Variants in STK32C observed in about 807,000 individuals in gnomAD.
STK32C encodes serine/threonine kinase 32C, also known as serine/threonine-protein kinase 32C.
STK32C carries 31 observed loss-of-function variants against 56.5 expected under a neutral mutation model. The ratio of observed to expected loss-of-function variants is 0.55; its 90% confidence interval spans 0.41 to 0.74. STK32C has a LOEUF of 0.74. Ranked by LOEUF, STK32C falls within the 30% of genes least tolerant of loss-of-function variation. STK32C has a pLI of 0.00. For missense variants in STK32C, 544 were observed against 676.9 expected, an observed-to-expected ratio of 0.80 and a Z score of 2.18; for synonymous variants, 309 against 289.4, an observed-to-expected ratio of 1.07 and a Z score of -0.69.
At chr10:132,278,677 A>G (rs939660758) in intron 1 of STK32C, among the ~76,000 whole-genome samples, 2 of 150,868 alleles carry the variant, frequency 1.3e-5, no homozygotes, top group African/African-American at 2.4e-5. Context: ...GGAGAATGGC[A>G]TGAACCCGGG....
chr10:132,238,249 G>A (rs1397847102), intron 2 of STK32C, among the ~76,000 whole-genome samples: 1 of 152,252 alleles, frequency 6.6e-6, no homozygotes, highest in Non-Finnish European at 1.5e-5. Context: ...AGGTCCAAGA[G>A]ATCCACATGA....
chr10:132,263,618 G>A (rs1214869555), intron 1 of STK32C, among the ~76,000 whole-genome samples: 1 of 151,910 alleles, frequency 6.6e-6, no homozygotes, highest in Admixed American at 6.6e-5. Context: ...AGCATTTTGG[G>A]AGGCAGAGGC....
chr10:132,308,296 G>A (rs1423229372), upstream of STK32C, among the ~76,000 whole-genome samples: 2 of 152,188 alleles, frequency 1.3e-5, no homozygotes, highest in Non-Finnish European at 2.9e-5. Context: ...TGGGGCCCCG[G>A]AGGTCGGCGT....
chr10:132,230,460 A>G (rs927630310), intron 2 of STK32C, among the ~76,000 whole-genome samples: 2 of 152,182 alleles, frequency 1.3e-5, no homozygotes, highest in African/African-American at 4.8e-5. Context: ...CGCCAGCCCC[A>G]GCACCCGCGG....
At chr10:132,267,726 T>C (rs1210501206) in intron 1 of STK32C, among the ~76,000 whole-genome samples, 1 of 127,698 alleles carries the variant, frequency 7.8e-6, no homozygotes, top group Admixed American at 7.8e-5. Context: ...TGCATGCATG[T>C]CCCACATCGT....
chr10:132,276,503 G>A (rs776030184), intron 1 of STK32C, among the ~76,000 whole-genome samples: 14 of 152,180 alleles, frequency 9.2e-5, no homozygotes, highest in East Asian at 3.9e-4. Flanking sequence ...CAAAAGGGGC[G>A]AGGCACGGCG....
At chr10:132,300,615 G>A (rs1376142615) in intron 1 of STK32C, among the ~76,000 whole-genome samples, 1 of 152,222 alleles carries the variant, frequency 6.6e-6, no homozygotes, top group Non-Finnish European at 1.5e-5. Flanking sequence ...TCCCCAAACT[G>A]TCTCAAGTTC....
chr10:132,304,900 G>A (rs1288201992), intron 1 of STK32C, among the ~76,000 whole-genome samples: 1 of 152,220 alleles, frequency 6.6e-6, no homozygotes, highest in Non-Finnish European at 1.5e-5. Context: ...CCTGCTGGCG[G>A]GCTAATGCCA....
intron 1 of STK32C, among the ~76,000 whole-genome samples, chr10:132,266,765 A>G (rs1253199809): frequency 6.6e-6 from 1 of 151,556 alleles, no homozygotes. Flanking sequence ...GTGGATCACA[A>G]ATGCTCTCGG....
At chr10:132,251,437 T>C (rs2063901726) in intron 1 of STK32C, among the ~76,000 whole-genome samples, 1 of 151,582 alleles carries the variant, frequency 6.6e-6, no homozygotes, top group East Asian at 1.9e-4. Context: ...CAGAGGGGAG[T>C]GGGCATGGTC....
chr10:132,258,275 GC>G (rs2064192265), intron 1 of STK32C, among the ~76,000 whole-genome samples: 1 of 152,256 alleles, frequency 6.6e-6, no homozygotes, highest in Non-Finnish European at 1.5e-5. Flanking sequence ...CTCCAAGGTG[GC>G]ATGAGCTCCA....
chr10:132,258,665 G>A (rs2064205990), intron 1 of STK32C, among the ~76,000 whole-genome samples: 1 of 152,254 alleles, frequency 6.6e-6, no homozygotes, highest in Non-Finnish European at 1.5e-5. Flanking sequence ...AACGCCCTGG[G>A]TACCGACTGC....
upstream of STK32C, chr10:132,331,876 G>C (rs556234468): frequency 9.6e-5 from 117 of 1,224,696 alleles, no homozygotes; most frequent in Non-Finnish European, 1.3e-4. Context: ...TGCGTGCGCA[G>C]GCGCACCACC....
At chr10:132,248,657 A>T (rs2063775166) in intron 1 of STK32C, among the ~76,000 whole-genome samples, 1 of 152,228 alleles carries the variant, frequency 6.6e-6, no homozygotes, top group Admixed American at 6.5e-5. Flanking sequence ...GCCCACGTGC[A>T]TGCCTAGGAC....
At chr10:132,278,832 G>C (rs1426799243) in intron 1 of STK32C, among the ~76,000 whole-genome samples, 2 of 151,902 alleles carry the variant, frequency 1.3e-5, no homozygotes, top group African/African-American at 4.8e-5. Context: ...GACAAACAAG[G>C]GGCTACTTTT....
chr10:132,228,257 C>T, intron 2 of STK32C, 129 bp from the exon 3 acceptor site: 4 of 1,187,856 alleles, frequency 3.4e-6, no homozygotes, highest in Non-Finnish European at 5.0e-6. Context: ...GGACGCGCCG[C>T]AGCCCCTCTG....
chr10:132,244,982 T>G (rs1400827535), intron 2 of STK32C, among the ~76,000 whole-genome samples: 8 of 152,202 alleles, frequency 5.3e-5, no homozygotes, highest in Non-Finnish European at 1.0e-4. Context: ...GCACGGGAGC[T>G]TTCTCAATGC....
At chr10:132,263,200 C>G (rs1416848135) in intron 1 of STK32C, among the ~76,000 whole-genome samples, 1 of 152,214 alleles carries the variant, frequency 6.6e-6, no homozygotes, top group Non-Finnish European at 1.5e-5. Flanking sequence ...AGGTGCCCAT[C>G]CACGGTGGAC....
In STK32C at chr10:132,222,671, G is replaced by A; in HGVS notation, c.1221C>T (p.Ser407=). ...KKKKRLAKNK[S]RDNSRDSSQS... is the part of the protein sequence containing the mutation. ...GGGAGCTGTCCCTGCTGTTGTCCCG[G>A]GACTTGTTCTTGGCCAGACGCTTCT... The change falls in exon 10 of 12, where the codon TCC becomes TCT. Residue 407 remains serine, a synonymous_variant. Transcript: ENST00000298630. The A allele has an allele frequency of 6.2e-7, 1 of 1,613,158 alleles. No individual in the cohort carries two copies. Among genetic ancestry groups the A allele is most frequent in the Non-Finnish European group, 8.5e-7 (1 of 1,179,946 alleles).
Sources: allele counts gnomAD v4.1 joint callset (sites outside exome capture counted in the v4.1 genomes callset), GRCh38; gene constraint gnomAD v4.1.1; transcripts MANE v1.5; gene names NCBI Gene and HGNC (gene_info 2026-07-23, HGNC 2026-07-21).